Variants in CFAP91 observed in about 807,000 individuals in gnomAD.
CFAP91 encodes cilia- and flagella-associated protein 91.
Under a neutral mutation model 95.9 loss-of-function variants are expected in CFAP91, and 85 were observed. That is an observed-to-expected ratio of 0.89 (90% confidence interval 0.74 to 1.06). The LOEUF (loss-of-function observed/expected upper bound fraction) is 1.06. Among genes scored for constraint, CFAP91 ranks in the 50% least tolerant of loss-of-function variants. The probability of loss-of-function intolerance (pLI) is 0.00; values close to 1 mark genes in which losing one functional copy is unlikely to be tolerated. For synonymous variants in CFAP91, 335 were observed against 327.5 expected, an observed-to-expected ratio of 1.02 and a Z score of -0.25; for missense variants, 962 against 943.4, an observed-to-expected ratio of 1.02 and a Z score of -0.26.
chr3:119,722,029 C>G (rs2053694452), intron 6 of CFAP91, among the ~76,000 whole-genome samples: 1 of 151,736 alleles, frequency 6.6e-6, no homozygotes, highest in Non-Finnish European at 1.5e-5. Flanking sequence ...AAAAATTAGC[C>G]AAGTGTGGTG....
chr3:119,740,828 T>G, intron 13 of CFAP91, 133 bp downstream of exon 13: 1 of 944,848 alleles, frequency 1.1e-6, no homozygotes, highest in Non-Finnish European at 1.6e-6. Flanking sequence ...CATCACTCTG[T>G]CAGCATTTGT....
chr3:119,731,784 T>C, intron 8 of CFAP91, among the ~76,000 whole-genome samples: 1 of 152,236 alleles, frequency 6.6e-6, no homozygotes, highest in East Asian at 1.9e-4. Flanking sequence ...ATGAGTATAC[T>C]CCTGATGTGC....
At chr3:119,713,357 A>C (rs1010897382) in intron 5 of CFAP91, 2 of 150,498 alleles carry the variant, frequency 1.3e-5, no homozygotes, top group African/African-American at 4.9e-5. Flanking sequence ...TGACCTCATG[A>C]TCCGCCTGCC....
rs540249941 is a variant in CFAP91, at chr3:119,718,909, CAA to C, written c.682+3179_682+3180del. 4.4e-3 allele frequency among the ~76,000 whole-genome samples: 601 copies of C among 137,306 alleles called. 1 individual carries two copies. The highest frequency in any genetic ancestry group is 0.013 in the African/African-American group (521 of 38,696). 90.1% of individuals were successfully genotyped at this position (137,306 alleles called of 152,430 possible). Reference sequence around the variant, plus strand: ...AGCAATTTCACTCCTAAGTATACATCAAAAAAAAAAAAAATGAGCACATTATT... The same window carrying C: ...AGCAATTTCACTCCTAAGTATACATCAAAAAAAAAAAATGAGCACATTATT... On this transcript the variant is annotated intron_variant, in intron 6 of 17. Coordinates refer to ENST00000273390, the MANE Select transcript of CFAP91 (RefSeq NM_033364.4).
chr3:119,721,735 G>C (rs1388641646), intron 6 of CFAP91, among the ~76,000 whole-genome samples: 3 of 152,170 alleles, frequency 2.0e-5, no homozygotes, highest in Non-Finnish European at 2.9e-5. Flanking sequence ...AAAAATGGAG[G>C]CATGGCGATT....
chr3:119,715,785 T>C, intron 6 of CFAP91, 42 bp downstream of exon 6: 1 of 1,565,174 alleles, frequency 6.4e-7, no homozygotes, highest in Non-Finnish European at 8.8e-7. Flanking sequence ...ATGACGATGC[T>C]GATAACCACG....
Position 119,707,562 on chromosome 3 carries a change from G to C in CFAP91, c.359+1G>C. ...GAGAAGCCCTCCGGCAGCTCACCACGTAAGTGTCGGGTGGCTCCAGGGCCT... is the reference window on the plus strand; with the variant it reads ...GAGAAGCCCTCCGGCAGCTCACCACCTAAGTGTCGGGTGGCTCCAGGGCCT... On this transcript the variant is annotated splice_donor_variant, in intron 3 of 17. Transcript: ENST00000273390. LOFTEE classifies it high-confidence loss of function. 6.4e-7 allele frequency: 1 copy of C among 1,559,316 alleles called. No individual in the cohort carries two copies. The highest frequency in any genetic ancestry group is 8.7e-7 in the Non-Finnish European group (1 of 1,143,106).
intron 3 of CFAP91, 95 bp downstream of exon 3, chr3:119,707,656 G>T: frequency 2.4e-6 from 3 of 1,243,860 alleles, no homozygotes; most frequent in Non-Finnish European, 3.2e-6. Context: ...GTTCAGTTGT[G>T]GTGTTATACC....
intron 1 of CFAP91, among the ~76,000 whole-genome samples, chr3:119,704,745 A>G (rs563834653): frequency 2.6e-5 from 4 of 152,334 alleles, no homozygotes; most frequent in African/African-American, 7.2e-5. Context: ...AGTGGACTAC[A>G]TGTATAAGGA....
chr3:119,708,438 A>G (rs999427313), intron 3 of CFAP91, among the ~76,000 whole-genome samples, 153 bp from the exon 4 acceptor site: 2 of 152,056 alleles, frequency 1.3e-5, no homozygotes, highest in African/African-American at 4.8e-5. Flanking sequence ...ATATACTCTA[A>G]GTTGTATGGC....
chr3:119,742,200 G>C (rs1282083174), intron 13 of CFAP91, among the ~76,000 whole-genome samples: 1 of 152,138 alleles, frequency 6.6e-6, no homozygotes, highest in Non-Finnish European at 1.5e-5. Flanking sequence ...TAAGGGAGGA[G>C]TTAATGGGCA....
intron 8 of CFAP91, among the ~76,000 whole-genome samples, chr3:119,730,601 AGTGTGTGTGTGTGTGTGTGTGTGT>A (rs60453079): frequency 1.4e-4 from 19 of 137,110 alleles, no homozygotes; most frequent in African/African-American, 3.8e-4. Context: ...TTACTGAGAT[AGTGTGTGTGTGTGTGTGTGTGTGT>A]GTGTGTGTGT....
At chr3:119,756,729 A>G (rs1036332367) in intron 17 of CFAP91, among the ~76,000 whole-genome samples, 10 of 152,188 alleles carry the variant, frequency 6.6e-5, no homozygotes, top group Non-Finnish European at 1.5e-5. Flanking sequence ...ACATTTTGTA[A>G]CCTCTAGGGT....
chr3:119,722,351 C>G (rs951057546), intron 6 of CFAP91, among the ~76,000 whole-genome samples: 1 of 151,906 alleles, frequency 6.6e-6, no homozygotes, highest in East Asian at 1.9e-4. Flanking sequence ...CCCAGCTACT[C>G]GGGAGGCTGA....
intron 17 of CFAP91, among the ~76,000 whole-genome samples, chr3:119,756,232 A>G (rs2107919678): frequency 6.6e-6 from 1 of 152,310 alleles, no homozygotes; most frequent in Admixed American, 6.5e-5. Flanking sequence ...AAGAGCAATA[A>G]TTAAGCTGAC....
intron 6 of CFAP91, 106 bp from the exon 7 acceptor site, chr3:119,726,065 C>T (rs1358058238): frequency 2.2e-6 from 2 of 920,466 alleles, no homozygotes; most frequent in Non-Finnish European, 1.6e-6. Context: ...CTGTCATGGC[C>T]CTTGAATTTG....
intron 6 of CFAP91, among the ~76,000 whole-genome samples, chr3:119,724,005 CAAA>C (rs58003603): frequency 6.7e-6 from 1 of 149,496 alleles, no homozygotes. Context: ...ACTAAAAATA[CAAA>C]AAAAAATGAG....
At chr3:119,754,762 A>C (rs1304557334) in intron 17 of CFAP91, among the ~76,000 whole-genome samples, 1 of 152,168 alleles carries the variant, frequency 6.6e-6, no homozygotes, top group African/African-American at 2.4e-5. Flanking sequence ...AGCTCAGCAG[A>C]GCTATGGGGT....
chr3:119,724,638 C>T (rs556665736), intron 6 of CFAP91, among the ~76,000 whole-genome samples: 32 of 152,138 alleles, frequency 2.1e-4, no homozygotes, highest in Non-Finnish European at 4.0e-4. Flanking sequence ...TATTACTCCT[C>T]ACCAAATGCA....
Sources: allele counts gnomAD v4.1 joint callset (sites outside exome capture counted in the v4.1 genomes callset), GRCh38; gene constraint gnomAD v4.1.1; transcripts MANE v1.5; gene names NCBI Gene and HGNC (gene_info 2026-07-23, HGNC 2026-07-21).